AQR: variants seen among roughly 807,000 people sequenced by gnomAD.
AQR encodes the protein aquarius intron-binding spliceosomal factor, also known as RNA helicase aquarius.
A neutral mutation model predicts 180.5 loss-of-function variants in AQR; 61 were observed. The ratio of observed to expected loss-of-function variants is 0.34; its 90% confidence interval spans 0.28 to 0.42. The LOEUF (loss-of-function observed/expected upper bound fraction) is 0.42. Among genes scored for constraint, AQR ranks in the 10% least tolerant of loss-of-function variants. The pLI is 1.00. For synonymous variants in AQR, 551 were observed against 588.8 expected (o/e 0.94, Z 0.93); for missense variants, 1,281 against 1,798.3 (o/e 0.71, Z 5.20).
chr15:34,909,214 C>T (rs1258524631), intron 17 of AQR, among the ~76,000 whole-genome samples: 1 of 152,088 alleles, frequency 6.6e-6, no homozygotes, highest in African/African-American at 2.4e-5. Context: ...TTCTGGCATG[C>T]CAAGAAGGTA....
chr15:34,852,779 G>A lies in AQR; in HGVS notation c.*4013C>T, dbSNP rs1892533354. 6.6e-6 allele frequency: 1 copy of A among 152,128 alleles called. No individual in the cohort carries two copies. The highest frequency in any genetic ancestry group is 6.5e-5 in the Admixed American group (1 of 15,280). The allele number at this position is 152,128 out of a possible 1,614,324, so 9.4% of individuals were successfully genotyped here. A position where few individuals can be genotyped will look rare whatever the true frequency, so the allele number is the denominator to read the frequency against. On this transcript the variant is annotated 3_prime_UTR_variant, in exon 35 of 35. Coordinates refer to ENST00000156471, the MANE Select transcript of AQR (RefSeq NM_014691.3). The stretch of plus-strand genomic sequence containing the variant: ...TTTCTCAGAGTATTTTTCAAGAGTA[G>A]TATTTTCTGTAATATATGATGAAAA...
intron 2 of AQR, 122 bp downstream of exon 2, chr15:34,964,112 T>C (rs1025596075): frequency 8.4e-6 from 6 of 716,466 alleles, no homozygotes; most frequent in Non-Finnish European, 1.4e-5. Context: ...CAAAAAATTG[T>C]ATTTTTTGTA....
intron 17 of AQR, among the ~76,000 whole-genome samples, chr15:34,907,184 A>G (rs8029285): frequency 6.6e-6 from 1 of 152,244 alleles, no homozygotes; most frequent in Non-Finnish European, 1.5e-5. Context: ...AAGAATAATT[A>G]ATCAAGGCAA....
At chr15:34,899,653 G>A (rs968244163) in intron 20 of AQR, among the ~76,000 whole-genome samples, 1 of 151,522 alleles carries the variant, frequency 6.6e-6, no homozygotes, top group African/African-American at 2.4e-5. Flanking sequence ...TTACAGGTAT[G>A]AGCCACCACA....
intron 23 of AQR, among the ~76,000 whole-genome samples, chr15:34,892,042 T>C (rs1241367877): frequency 1.3e-5 from 2 of 152,258 alleles, no homozygotes; most frequent in Non-Finnish European, 2.9e-5. Context: ...AAAAACACAG[T>C]GCTTCTGTAT....
chr15:34,917,151 T>C (rs981610494), intron 15 of AQR, among the ~76,000 whole-genome samples: 2 of 152,156 alleles, frequency 1.3e-5, no homozygotes, highest in African/African-American at 4.8e-5. Context: ...TATTAACCAC[T>C]GTAAGAACAT....
chr15:34,896,158 G>A (rs868411781), intron 22 of AQR, among the ~76,000 whole-genome samples: 4 of 152,088 alleles, frequency 2.6e-5, no homozygotes, highest in Admixed American at 1.3e-4. Context: ...AAGCATTTTC[G>A]GCTTTGCAGG....
intron 27 of AQR, among the ~76,000 whole-genome samples, chr15:34,878,916 T>G (rs775598643): frequency 6.6e-6 from 1 of 151,802 alleles, no homozygotes; most frequent in Non-Finnish European, 1.5e-5. Context: ...TAATCCCAGC[T>G]ACTTGGGAGG....
rs1382292584 is a variant in AQR at position 34,855,195 on chromosome 15, TGA to T, written c.*1595_*1596del. 11 of 152,234 alleles carry T rather than the reference TGA, an allele frequency of 7.2e-5. No homozygotes were observed. The highest frequency in any genetic ancestry group is 2.0e-4 in the Admixed American group (3 of 15,284). 9.4% of individuals were successfully genotyped at this position (152,234 alleles called of 1,614,324 possible). ...TGATGCAGTAGGATACATCATAAAA[TGA>T]GAGTCTGTACCATATTCAACACAGC... On this transcript the variant is annotated 3_prime_UTR_variant, in exon 35 of 35. Transcript: ENST00000156471.
Position 34,960,762 on chromosome 15 carries a change from A to G in AQR, c.173+12T>C, listed in dbSNP as rs2050271775. 2.2e-6 allele frequency: 2 copies of G among 898,508 alleles called. No homozygotes were observed. The highest frequency in any genetic ancestry group is 3.4e-6 in the Non-Finnish European group (2 of 580,796). 55.7% of individuals were successfully genotyped at this position (898,508 alleles called of 1,614,324 possible). On this transcript the variant is annotated intron_variant, in intron 3 of 34. Transcript: ENST00000156471. ...CCCAATCACATTGTATAAAATTTAA[A>G]TTCATTCCTACCTTGATTTGACAAT...
At chr15:34,957,387 T>C (rs1396277828) in intron 3 of AQR, among the ~76,000 whole-genome samples, 1 of 152,150 alleles carries the variant, frequency 6.6e-6, no homozygotes, top group East Asian at 1.9e-4. Context: ...TACTATAGTT[T>C]ATGTGTTACA....
chr15:34,863,430 A>C (rs1892698367), intron 32 of AQR, among the ~76,000 whole-genome samples: 1 of 152,136 alleles, frequency 6.6e-6, no homozygotes, highest in Non-Finnish European at 1.5e-5. Flanking sequence ...CATTAAGGTA[A>C]AATTTTACTT....
At chr15:34,875,884 T>C in intron 28 of AQR, 51 bp downstream of exon 28, 1 of 1,420,202 alleles carries the variant, frequency 7.0e-7, no homozygotes, top group South Asian at 1.2e-5. Flanking sequence ...GATGCTGTCC[T>C]CAGCATTCTT....
chr15:34,886,082 C>T (rs531918460), intron 25 of AQR, among the ~76,000 whole-genome samples: 1 of 152,210 alleles, frequency 6.6e-6, no homozygotes, highest in South Asian at 2.1e-4. Flanking sequence ...AACTTCAAGA[C>T]CCACTGTGCA....
At chr15:34,929,829 A>C (rs115704552) in intron 12 of AQR, among the ~76,000 whole-genome samples, 1,637 of 152,362 alleles carry the variant, frequency 0.011, 28 homozygotes, top group African/African-American at 0.036. Context: ...AGAACAAGAT[A>C]AGATCAGCAA....
At position 34,946,482 on chromosome 15, in the gene AQR, G is replaced by C. The variant is rs1354342230; in HGVS notation, c.330+1782C>G. Among the ~76,000 whole-genome samples the C allele has an allele frequency of 7.0e-5, 10 of 143,424 alleles. No individual in the cohort carries two copies. The South Asian group carries it at 2.2e-3, about 32-fold the overall frequency. The allele number at this position is 143,424 out of a possible 152,430, so 94.1% of individuals were successfully genotyped here. A position where few individuals can be genotyped will look rare whatever the true frequency, so the allele number is the denominator to read the frequency against. The stretch of plus-strand genomic sequence containing the variant: ...AGCCGCCCCGTCCAGGAGGGAGGTG[G>C]GGGGGTCAGCCCCCCGCCCGGCCAG... On this transcript the variant is annotated intron_variant, in intron 5 of 34. Transcript: ENST00000156471.
chr15:34,967,038 G>A (rs549816473), intron 1 of AQR, among the ~76,000 whole-genome samples: 5 of 151,868 alleles, frequency 3.3e-5, no homozygotes, highest in East Asian at 1.9e-4. Flanking sequence ...CACCACGTCC[G>A]GCTAATTTTG....
chr15:34,895,613 A>G (rs1372066323), intron 22 of AQR, among the ~76,000 whole-genome samples: 1 of 152,206 alleles, frequency 6.6e-6, no homozygotes, highest in African/African-American at 2.4e-5. Flanking sequence ...GAAGACAGAC[A>G]TTACATAATA....
intron 33 of AQR, among the ~76,000 whole-genome samples, chr15:34,861,364 T>C (rs1471176917): frequency 6.6e-6 from 1 of 152,074 alleles, no homozygotes; most frequent in Non-Finnish European, 1.5e-5. Context: ...TTTTCTGGAG[T>C]CTTGCCAAGA....
Sources: allele counts gnomAD v4.1 joint callset (sites outside exome capture counted in the v4.1 genomes callset), GRCh38; gene constraint gnomAD v4.1.1; transcripts MANE v1.5; gene names NCBI Gene and HGNC (gene_info 2026-07-23, HGNC 2026-07-21).